SLC12A7: variants seen among roughly 807,000 people sequenced by gnomAD.
SLC12A7 encodes K-Cl cotransporter 4.
Under a neutral mutation model 120.6 loss-of-function variants are expected in SLC12A7, and 100 were observed. That is an observed-to-expected ratio of 0.83 (90% CI 0.71 to 0.98). The LOEUF (loss-of-function observed/expected upper bound fraction) is 0.98, where lower values mean the gene tolerates loss of function less well. Among genes scored for constraint, SLC12A7 ranks in the 50% least tolerant of loss-of-function variants. SLC12A7 has a pLI of 0.00. For missense variants in SLC12A7, 1,373 were observed against 1,548.1 expected (o/e 0.89, Z 1.90); for synonymous variants, 760 against 678.0 (o/e 1.12, Z -1.88).
chr5:1,115,680 C>A (rs1743287719), upstream of SLC12A7, among the ~76,000 whole-genome samples: 1 of 152,120 alleles, frequency 6.6e-6, no homozygotes, highest in African/African-American at 2.4e-5. Context: ...AGGAGGCCGG[C>A]CCTGGAGGCC....
intron 5 of SLC12A7, among the ~76,000 whole-genome samples, chr5:1,087,573 T>C (rs1327805018): frequency 1.3e-5 from 2 of 152,228 alleles, no homozygotes; most frequent in Admixed American, 6.5e-5. Flanking sequence ...AAGCAGAGAC[T>C]GGTCCCTTGG....
chr5:1,099,392 G>C (rs1741758448), intron 1 of SLC12A7, among the ~76,000 whole-genome samples: 2 of 151,278 alleles, frequency 1.3e-5, no homozygotes, highest in Admixed American at 6.6e-5. Flanking sequence ...GGGGACAGCA[G>C]GGCCCGACCC....
chr5:1,065,906 C>A (rs1035381798), intron 17 of SLC12A7, among the ~76,000 whole-genome samples: 2 of 151,796 alleles, frequency 1.3e-5, no homozygotes, highest in Non-Finnish European at 2.9e-5. Context: ...CAGGATGCAG[C>A]ACCCTAACAG....
At chr5:1,094,988 G>A (rs550026431) in intron 1 of SLC12A7, among the ~76,000 whole-genome samples, 6 of 150,600 alleles carry the variant, frequency 4.0e-5, no homozygotes, top group East Asian at 2.0e-4. Context: ...CCCATGTGAC[G>A]GTGTTAGAAG....
chr5:1,141,551 C>T, the SLC12A7 span, among the ~76,000 whole-genome samples: 6 of 152,262 alleles, frequency 3.9e-5, no homozygotes. Context: ...ATGGAGGCTC[C>T]CTGGGGACTG....
intron 17 of SLC12A7, among the ~76,000 whole-genome samples, chr5:1,067,680 C>T (rs963804263): frequency 3.9e-5 from 6 of 152,210 alleles, no homozygotes; most frequent in Non-Finnish European, 5.9e-5. Flanking sequence ...TCCGAGGAGT[C>T]GGAGCTGGGG....
chr5:1,082,292 C>T (rs573635152), intron 8 of SLC12A7, among the ~76,000 whole-genome samples: 3 of 145,464 alleles, frequency 2.1e-5, no homozygotes, highest in African/African-American at 7.8e-5. Flanking sequence ...GTCTCGGGTT[C>T]TGGAAAGCCT....
At position 1,050,795 on chromosome 5, in the gene SLC12A7, T is replaced by C. The variant is rs2150766873; in HGVS notation, c.*1565A>G. 2 of 398,582 alleles carry C rather than the reference T, an allele frequency of 5.0e-6. No individual in the cohort carries two copies. Among genetic ancestry groups the C allele is most frequent in the Non-Finnish European group, 8.8e-6 (2 of 226,020 alleles). The allele number at this position is 398,582 out of a possible 1,614,324, so 24.7% of individuals were successfully genotyped here. ...GGCTGTGGGAACTGCTGAGCCCCGC[T>C]GTGATGTCTGGGACACGCTCTGGGC... On this transcript the variant is annotated 3_prime_UTR_variant, in exon 24 of 24. Coordinates refer to ENST00000264930, the MANE Select transcript of SLC12A7 (RefSeq NM_006598.3).
At chr5:1,125,264 C>T in the SLC12A7 span, among the ~76,000 whole-genome samples, 8 of 103,792 alleles carry the variant, frequency 7.7e-5, no homozygotes, top group African/African-American at 2.4e-4. Context: ...ATGTTTTAAA[C>T]GAAAGTGTGT....
At chr5:1,113,373 G>A (rs1204458667), upstream of SLC12A7, among the ~76,000 whole-genome samples, 1 of 152,150 alleles carries the variant, frequency 6.6e-6, no homozygotes, top group Non-Finnish European at 1.5e-5. Flanking sequence ...GGGCTCTGTG[G>A]GTTCAAGGAA....
At chr5:1,119,719 G>A in the SLC12A7 span, among the ~76,000 whole-genome samples, 1 of 152,262 alleles carries the variant, frequency 6.6e-6, no homozygotes, top group East Asian at 1.9e-4. Flanking sequence ...CAGGCACGCG[G>A]TGGCTCTGGA....
chr5:1,075,232 C>T (rs976083027), intron 15 of SLC12A7, 139 bp downstream of exon 15: 14 of 1,234,120 alleles, frequency 1.1e-5, no homozygotes, highest in South Asian at 6.3e-5. Context: ...CCCACCTGGA[C>T]GTGCTCCCAG....
At chr5:1,131,378 G>T in the SLC12A7 span, among the ~76,000 whole-genome samples, 1 of 152,222 alleles carries the variant, frequency 6.6e-6, no homozygotes. Flanking sequence ...TGAAGGGTGT[G>T]GGGGAGGGAG....
the SLC12A7 span, among the ~76,000 whole-genome samples, chr5:1,138,287 T>C: frequency 6.6e-6 from 1 of 152,120 alleles, no homozygotes; most frequent in Non-Finnish European, 1.5e-5. Flanking sequence ...CGGCTTTTAT[T>C]CCCTTATTTG....
In SLC12A7 at chr5:1,081,562, G is replaced by A; in HGVS notation, c.1297+15C>T. The A allele has an allele frequency of 6.3e-7, 1 of 1,594,104 alleles. No individual in the cohort carries two copies. ...AGAAAGAAAGAGAAGGGGAAGCCTG[G>A]AGCAGCGGGCTCACCGGTCACGGAA... On this transcript the variant is annotated intron_variant, in intron 9 of 23. Coordinates refer to ENST00000264930, the MANE Select transcript of SLC12A7 (RefSeq NM_006598.3).
At chr5:1,142,393 CTT>C in the SLC12A7 span, among the ~76,000 whole-genome samples, 1 of 88,166 alleles carries the variant, frequency 1.1e-5, no homozygotes, top group African/African-American at 5.2e-5. Flanking sequence ...TCCCCTCTCC[CTT>C]CTCCCCTTTC....
the SLC12A7 span, among the ~76,000 whole-genome samples, chr5:1,121,456 C>G: frequency 6.6e-6 from 1 of 152,208 alleles, no homozygotes; most frequent in Non-Finnish European, 1.5e-5. Flanking sequence ...CAAGCAGGAT[C>G]GTCACCCTCA....
chr5:1,067,278 A>G (rs1338103287), intron 17 of SLC12A7, among the ~76,000 whole-genome samples: 1 of 152,208 alleles, frequency 6.6e-6, no homozygotes, highest in Non-Finnish European at 1.5e-5. Context: ...CAGCAAGCGG[A>G]GGCAGGGGCC....
At chr5:1,107,328 C>G (rs1196541680) in intron 1 of SLC12A7, among the ~76,000 whole-genome samples, 1 of 152,226 alleles carries the variant, frequency 6.6e-6, no homozygotes, top group South Asian at 2.1e-4. Context: ...CAAAGGCCAC[C>G]CATCCCCCAT....
Sources: allele counts gnomAD v4.1 joint callset (sites outside exome capture counted in the v4.1 genomes callset), GRCh38; gene constraint gnomAD v4.1.1; transcripts MANE v1.5; gene names NCBI Gene and HGNC (gene_info 2026-07-23, HGNC 2026-07-21).